The following ERICH3 variants were observed in gnomAD, a reference collection of about 807,000 sequenced individuals.
The protein encoded by ERICH3 is glutamate-rich protein 3.
ERICH3 carries 126 observed loss-of-function variants against 131.1 expected under a neutral mutation model. The ratio of observed to expected loss-of-function variants is 0.96; its 90% confidence interval spans 0.83 to 1.11. The LOEUF is 1.11. Ranked by LOEUF, ERICH3 falls within the 50% of genes most tolerant of loss-of-function variation. ERICH3 has a pLI of 0.00. For missense variants in ERICH3, 2,050 were observed against 1,810.7 expected, an observed-to-expected ratio of 1.13 and a Z score of -2.40; for synonymous variants, 695 against 644.6, an observed-to-expected ratio of 1.08 and a Z score of -1.18.
At chr1:74,580,004 T>C in intron 12 of ERICH3, 1 of 550,030 alleles carries the variant, frequency 1.8e-6, no homozygotes, top group African/African-American at 2.1e-5. Flanking sequence ...AGCTTTTTAG[T>C]ATAAAAACAA....
chr1:74,600,599 T>A (rs1648082517), intron 10 of ERICH3, among the ~76,000 whole-genome samples: 3 of 151,916 alleles, frequency 2.0e-5, no homozygotes, highest in Admixed American at 2.0e-4. Context: ...CACAGCCACA[T>A]ATTTGCTTTA....
chr1:74,663,479 A>G (rs970926960), intron 1 of ERICH3, among the ~76,000 whole-genome samples: 6 of 152,112 alleles, frequency 3.9e-5, no homozygotes, highest in African/African-American at 1.4e-4. Context: ...CCTATCTCTC[A>G]TAGAAGAAGT....
At chr1:74,649,368 C>G (rs1372030408) in intron 1 of ERICH3, 53 bp from the exon 2 acceptor site, 1 of 1,381,120 alleles carries the variant, frequency 7.2e-7, no homozygotes, top group Non-Finnish European at 1.0e-6. Context: ...GTTTGATAAC[C>G]AAGGCAATTC....
intron 2 of ERICH3, among the ~76,000 whole-genome samples, chr1:74,647,614 G>A (rs1400340859): frequency 6.6e-6 from 1 of 151,922 alleles, no homozygotes; most frequent in Non-Finnish European, 1.5e-5. Flanking sequence ...TTGATTTGTT[G>A]TATTGTTTTC....
chr1:74,600,402 CA>C, intron 10 of ERICH3, among the ~76,000 whole-genome samples: 1 of 151,716 alleles, frequency 6.6e-6, no homozygotes, highest in Middle Eastern at 3.4e-3. Context: ...TAATCAAGTC[CA>C]AGAGCCCTGA....
chr1:74,630,939 C>T (rs1229546125), intron 7 of ERICH3, among the ~76,000 whole-genome samples: 1 of 152,014 alleles, frequency 6.6e-6, no homozygotes, highest in Non-Finnish European at 1.5e-5. Context: ...AGATGGTCCC[C>T]ATCTTCTGAG....
intron 1 of ERICH3, among the ~76,000 whole-genome samples, chr1:74,672,074 A>T (rs991777051): frequency 1.3e-5 from 2 of 152,222 alleles, no homozygotes; most frequent in Non-Finnish European, 2.9e-5. Context: ...TTAATCATGC[A>T]CAGTTTAATC....
chr1:74,660,859 C>T (rs1646635321), intron 1 of ERICH3, among the ~76,000 whole-genome samples: 1 of 151,824 alleles, frequency 6.6e-6, no homozygotes, highest in Non-Finnish European at 1.5e-5. Context: ...ATAGGGTCAG[C>T]TTATCTGAAT....
chr1:74,579,530 T>C (rs1314726529), intron 12 of ERICH3: 6 of 985,274 alleles, frequency 6.1e-6, no homozygotes, highest in Non-Finnish European at 7.2e-6. Context: ...TAGTTAGGTG[T>C]TGCCTATTTC....
chr1:74,662,555 CA>C (rs2100655160), intron 1 of ERICH3, among the ~76,000 whole-genome samples: 1 of 152,070 alleles, frequency 6.6e-6, no homozygotes, highest in South Asian at 2.1e-4. Flanking sequence ...AGGCAAATAT[CA>C]TTTTGTTAAA....
At chr1:74,610,834 T>C (rs920374848) in intron 9 of ERICH3, among the ~76,000 whole-genome samples, 1 of 152,042 alleles carries the variant, frequency 6.6e-6, no homozygotes, top group Non-Finnish European at 1.5e-5. Flanking sequence ...ACCAAATCAA[T>C]GTCCAATCCT....
intron 12 of ERICH3, chr1:74,586,367 T>C: frequency 2.1e-6 from 2 of 952,112 alleles, no homozygotes; most frequent in Non-Finnish European, 2.5e-6. Flanking sequence ...TTAATATATC[T>C]ATACCTATCT....
Position 74,614,375 on chromosome 1 carries a change from A to G in ERICH3, c.1001-1566T>C, listed in dbSNP as rs1003524962. Among the ~76,000 whole-genome samples, 177 of 150,944 alleles carry G rather than the reference A, an allele frequency of 1.2e-3. 1 individual carries two copies. The highest frequency in any genetic ancestry group is 4.0e-3 in the African/African-American group (167 of 41,326). Reference sequence around the variant, plus strand: ...GTACCACATTTTTTCCCTAAAAAAAAAAAAAAAAAAAAAACTCGGCCGGGC... The same window carrying G: ...GTACCACATTTTTTCCCTAAAAAAAGAAAAAAAAAAAAAACTCGGCCGGGC... On this transcript the variant is annotated intron_variant, in intron 8 of 14. Coordinates refer to ENST00000326665, the MANE Select transcript of ERICH3 (RefSeq NM_001002912.5).
At chr1:74,584,525 C>T (rs950408175) in intron 12 of ERICH3, among the ~76,000 whole-genome samples, 2 of 152,158 alleles carry the variant, frequency 1.3e-5, no homozygotes, top group African/African-American at 4.8e-5. Flanking sequence ...TCCCTGTGGT[C>T]TTTCTGCAGA....
chr1:74,658,755 T>C (rs1646610917), intron 1 of ERICH3, among the ~76,000 whole-genome samples: 1 of 152,144 alleles, frequency 6.6e-6, no homozygotes, highest in Non-Finnish European at 1.5e-5. Context: ...GTTGTTCACT[T>C]ACCCCCACCC....
intron 11 of ERICH3, among the ~76,000 whole-genome samples, chr1:74,594,273 CGTGTGT>C (rs10655150): frequency 1.2e-3 from 172 of 144,884 alleles, no homozygotes; most frequent in African/African-American, 2.1e-3. Context: ...AAAAATGGGG[CGTGTGT>C]GTGTGTGTGT....
In ERICH3 at chr1:74,568,987, G is replaced by A. The variant is rs1282527534; in HGVS notation, c.*1471C>T. 1 of 152,078 alleles carries A rather than the reference G, an allele frequency of 6.6e-6. No individual in the cohort carries two copies. The highest frequency in any genetic ancestry group is 1.9e-4 in the East Asian group (1 of 5,178). The allele number at this position is 152,078 out of a possible 1,614,324, so 9.4% of individuals were successfully genotyped here. On this transcript the variant is annotated 3_prime_UTR_variant, in exon 15 of 15. Transcript: ENST00000326665. ...CTGATGTGCTGATGCTTCTGATCAA[G>A]GGACCAGTCTACTATCTGGTCCAGT...
chr1:74,631,637 A>T, intron 7 of ERICH3, 76 bp downstream of exon 7: 3 of 1,232,408 alleles, frequency 2.4e-6, no homozygotes, highest in South Asian at 1.3e-5. Flanking sequence ...AAATTCTTTT[A>T]CTGCAAACCT....
chr1:74,603,344 C>A (rs1295300268), intron 10 of ERICH3, among the ~76,000 whole-genome samples: 1 of 151,842 alleles, frequency 6.6e-6, no homozygotes, highest in South Asian at 2.1e-4. Context: ...TATTCTGCTA[C>A]TTTCTTTTTG....
Sources: allele counts gnomAD v4.1 joint callset (sites outside exome capture counted in the v4.1 genomes callset), GRCh38; gene constraint gnomAD v4.1.1; transcripts MANE v1.5; gene names NCBI Gene and HGNC (gene_info 2026-07-23, HGNC 2026-07-21).